The following SIAE variants were observed in gnomAD, a reference collection of about 807,000 sequenced individuals.
SIAE encodes the protein sialic acid acetylesterase.
A neutral mutation model predicts 52.6 loss-of-function variants in SIAE; 39 were observed. The observed-to-expected ratio is 0.74, with a 90% CI of 0.57 to 0.97. SIAE has a LOEUF of 0.97. Among genes scored for constraint, SIAE ranks in the 50% least tolerant of loss-of-function variants. SIAE has a pLI of 0.00. For synonymous variants in SIAE, 233 were observed against 241.4 expected (o/e 0.97, Z 0.32); for missense variants, 592 against 662.1 (o/e 0.89, Z 1.16).
At chr11:124,672,909 C>A (rs1943388826) in intron 1 of SIAE, among the ~76,000 whole-genome samples, 1 of 152,148 alleles carries the variant, frequency 6.6e-6, no homozygotes, top group Admixed American at 6.5e-5. Flanking sequence ...AGGAAGAAAT[C>A]CAACATTATC....
Position 124,669,525 on chromosome 11 carries a change from A to C in SIAE, c.68-4T>G, listed in dbSNP as rs1319544124. The C allele has an allele frequency of 1.2e-6, 2 of 1,613,178 alleles. No homozygotes were observed. Among genetic ancestry groups the C allele is most frequent in the South Asian group, 1.1e-5 (1 of 91,086 alleles). On this transcript the variant is annotated splice_polypyrimidine_tract_variant and splice_region_variant and intron_variant, in intron 1 of 9. Coordinates refer to ENST00000263593, the MANE Select transcript of SIAE (RefSeq NM_170601.5). ...GAAGCAAAGCGAAAACCAATACCTA[A>C]AAAATTTAACAAACACTGAGGGAAG...
chr11:124,652,876 T>C (rs1333571234), intron 4 of SIAE, among the ~76,000 whole-genome samples: 3 of 148,528 alleles, frequency 2.0e-5, no homozygotes, highest in Non-Finnish European at 2.9e-5. Flanking sequence ...TTCCCTGATA[T>C]ATTTATTTGT....
chr11:124,655,185 T>G (rs1943078057), intron 3 of SIAE, among the ~76,000 whole-genome samples: 1 of 149,652 alleles, frequency 6.7e-6, no homozygotes, highest in Admixed American at 6.6e-5. Context: ...TTTTTTTTTT[T>G]TTTTTGTGTG....
rs570504086 is a variant in SIAE at position 124,645,007 on chromosome 11, C to T, written c.966+2358G>A. Among the ~76,000 whole-genome samples the T allele has an allele frequency of 1.5e-4, 23 of 152,222 alleles. No individual in the cohort carries two copies. In the South Asian group the frequency reaches 2.9e-3, roughly 19 times the overall value. On this transcript the variant is annotated intron_variant, in intron 7 of 9. Transcript: ENST00000263593. The surrounding 1 kb of genome is among the most constrained non-coding windows in gnomAD (Gnocchi z 4.7). ...ACACTAACATTATCTGGTATGTTCC[C>T]GGCTTTCCATGGATGAACTCATTCA...
In SIAE at chr11:124,634,039, A is replaced by G. The variant is rs1392654503; in HGVS notation, c.*2912T>C. On this transcript the variant is annotated 3_prime_UTR_variant, in exon 10 of 10. Transcript: ENST00000263593. ...TATGTGTAAAATGTTTTTACTATGGATCATGGATTTAAGAAACTTGAAAAG... is the reference window on the plus strand; with the variant it reads ...TATGTGTAAAATGTTTTTACTATGGGTCATGGATTTAAGAAACTTGAAAAG... 2 of 152,266 alleles carry G rather than the reference A, an allele frequency of 1.3e-5. No individual in the cohort carries two copies. The highest frequency in any genetic ancestry group is 2.9e-5 in the Non-Finnish European group (2 of 68,068). The allele number at this position is 152,266 out of a possible 1,614,324, so 9.4% of individuals were successfully genotyped here. A position where few individuals can be genotyped will look rare whatever the true frequency, so the allele number is the denominator to read the frequency against.
Position 124,665,659 on chromosome 11 carries a change from T to C in SIAE, c.229+3701A>G, listed in dbSNP as rs371275632. Among the ~76,000 whole-genome samples, 28 of 152,088 alleles carry C rather than the reference T, an allele frequency of 1.8e-4. No homozygotes were observed. In the South Asian group the frequency reaches 2.7e-3, roughly 15 times the overall value. ...CAATTTATTATGTAGCATAGAAAAC[T>C]AGTATGCAAATTAGCCAGGCATGGT... is the stretch of plus-strand genomic sequence containing the variant. On this transcript the variant is annotated intron_variant, in intron 2 of 9. Coordinates refer to ENST00000263593, the MANE Select transcript of SIAE (RefSeq NM_170601.5).
chr11:124,664,502 G>C (rs761620776), intron 2 of SIAE, among the ~76,000 whole-genome samples: 5 of 152,084 alleles, frequency 3.3e-5, no homozygotes, highest in Admixed American at 6.6e-5. Flanking sequence ...CCGAAGTGCT[G>C]GGATTATAGG....
intron 9 of SIAE, among the ~76,000 whole-genome samples, chr11:124,637,661 A>G (rs936994029): frequency 6.6e-6 from 1 of 152,260 alleles, no homozygotes; most frequent in Admixed American, 6.5e-5. Flanking sequence ...CAATCCAGAA[A>G]TGGGAATACA....
At chr11:124,659,221 A>G (rs1943146551) in intron 3 of SIAE, 1 of 152,236 alleles carries the variant, frequency 6.6e-6, no homozygotes, top group Non-Finnish European at 1.5e-5. Context: ...GCGACTATAT[A>G]GATACAAACA....
At chr11:124,641,342 A>C (rs1294854595) in intron 7 of SIAE, among the ~76,000 whole-genome samples, 1 of 152,236 alleles carries the variant, frequency 6.6e-6, no homozygotes, top group Non-Finnish European at 1.5e-5. Flanking sequence ...GAAGCATGTA[A>C]GATGCAAAGG....
At chr11:124,669,619 G>T (rs1273437376) in intron 1 of SIAE, 98 bp from the exon 2 acceptor site, 1 of 1,163,268 alleles carries the variant, frequency 8.6e-7, no homozygotes, top group Non-Finnish European at 1.3e-6. Flanking sequence ...CTTTATGCAA[G>T]AGAATTTTAA....
intron 2 of SIAE, among the ~76,000 whole-genome samples, chr11:124,663,141 T>C (rs1005558134): frequency 6.8e-6 from 1 of 147,248 alleles, no homozygotes; most frequent in African/African-American, 2.5e-5. Context: ...CAAAACTCCA[T>C]CTCAAAAAAA....
chr11:124,638,468 G>A (rs1399190475), intron 9 of SIAE, 74 bp downstream of exon 9: 4 of 1,500,052 alleles, frequency 2.7e-6, no homozygotes, highest in South Asian at 2.3e-5. Context: ...TAACAAAAGA[G>A]ATGGCCTCAA....
intron 3 of SIAE, among the ~76,000 whole-genome samples, chr11:124,655,464 C>T (rs927830229): frequency 6.6e-5 from 10 of 152,066 alleles, no homozygotes; most frequent in Non-Finnish European, 2.9e-5. Flanking sequence ...TGTGAGCCAC[C>T]GCACCCAGCC....
At position 124,637,021 on chromosome 11, in the gene SIAE, AG is replaced by A. The variant is rs1369482009; in HGVS notation, c.1501del (p.Leu501CysfsTer32). Reference protein sequence around the residue: ...QCPLYHPSSALPAPPFIAFIT... With the variant: ...QCPLYHPSSAXPAPPFIAFIT... ...GAAAGCAATGAAGGGAGGGGCTGGC[AG>A]GGCACTACTGGGGTGGTATAGGGGA... is the stretch of plus-strand genomic sequence containing the variant. On this transcript the variant is annotated frameshift_variant, in exon 10 of 10. Transcript: ENST00000263593. LOFTEE classifies it low-confidence loss of function (END_TRUNC). The A allele has an allele frequency of 6.2e-7, 1 of 1,614,186 alleles. No homozygotes were observed. Among genetic ancestry groups the A allele is most frequent in the Non-Finnish European group, 8.5e-7 (1 of 1,180,016 alleles).
chr11:124,644,328 C>T (rs928849309), intron 7 of SIAE, among the ~76,000 whole-genome samples: 1 of 137,960 alleles, frequency 7.2e-6, no homozygotes, highest in Non-Finnish European at 1.5e-5. Context: ...ACAGTAACAA[C>T]GCCACAGGAA....
At chr11:124,644,767 C>T (rs996214986) in intron 7 of SIAE, among the ~76,000 whole-genome samples, 4 of 152,228 alleles carry the variant, frequency 2.6e-5, no homozygotes, top group East Asian at 1.9e-4. Flanking sequence ...CTTGCTGTTT[C>T]GCTCTCAGGC....
intron 4 of SIAE, among the ~76,000 whole-genome samples, chr11:124,653,796 G>T (rs1943053028): frequency 6.6e-6 from 1 of 152,224 alleles, no homozygotes; most frequent in African/African-American, 2.4e-5. Flanking sequence ...ATAGAAGAAA[G>T]GCTAAGCTCA....
intron 8 of SIAE, 88 bp from the exon 9 acceptor site, chr11:124,638,825 T>A (rs1591382798): frequency 9.8e-7 from 1 of 1,024,864 alleles, no homozygotes; most frequent in East Asian, 2.5e-5. Context: ...CAAAGCACCC[T>A]TTATGAAAGT....
Sources: allele counts gnomAD v4.1 joint callset (sites outside exome capture counted in the v4.1 genomes callset), GRCh38; gene constraint gnomAD v4.1.1; non-coding constraint Gnocchi (gnomAD v3.1); transcripts MANE v1.5; gene names NCBI Gene and HGNC (gene_info 2026-07-23, HGNC 2026-07-21).